NDST4: variants seen among roughly 807,000 people sequenced by gnomAD.
NDST4 encodes the protein N-deacetylase and N-sulfotransferase 4, also known as N-heparan sulfate sulfotransferase 4.
In NDST4, 63 loss-of-function variants were observed where a neutral mutation model predicts 100.8. The observed-to-expected ratio is 0.62, with a 90% CI of 0.51 to 0.77. The LOEUF (loss-of-function observed/expected upper bound fraction) is 0.77, where lower values mean the gene tolerates loss of function less well. Ranked by LOEUF, NDST4 falls within the 30% of genes least tolerant of loss-of-function variation. NDST4 has a pLI of 0.00. For missense variants in NDST4, 943 were observed against 1,018.4 expected (o/e 0.93, Z 1.01); for synonymous variants, 377 against 361.8 (o/e 1.04, Z -0.48).
intron 6 of NDST4, among the ~76,000 whole-genome samples, chr4:114,875,432 A>C (rs567151648): frequency 8.5e-5 from 13 of 152,320 alleles, no homozygotes; most frequent in African/African-American, 2.9e-4. Flanking sequence ...ATATGGGAAG[A>C]CATTATCTAT....
intron 6 of NDST4, among the ~76,000 whole-genome samples, chr4:114,922,255 G>A (rs938102030): frequency 6.6e-6 from 1 of 152,168 alleles, no homozygotes; most frequent in African/African-American, 2.4e-5. Flanking sequence ...ACAGTAAGAG[G>A]CAAGATGGCA....
intron 2 of NDST4, among the ~76,000 whole-genome samples, chr4:115,013,752 C>T (rs1372169370): frequency 6.6e-6 from 1 of 151,808 alleles, no homozygotes; most frequent in Non-Finnish European, 1.5e-5. Context: ...GATAGAATCC[C>T]TATATTGGTT....
intron 4 of NDST4, among the ~76,000 whole-genome samples, chr4:114,954,234 CA>C (rs2126233355): frequency 6.6e-6 from 1 of 151,922 alleles, no homozygotes; most frequent in African/African-American, 2.4e-5. Flanking sequence ...AATACTGTTT[CA>C]AAAAATTCCA....
intron 2 of NDST4, among the ~76,000 whole-genome samples, chr4:114,988,319 TTGAG>T (rs1472693083): frequency 6.6e-6 from 1 of 151,132 alleles, no homozygotes; most frequent in Admixed American, 6.6e-5. Flanking sequence ...TGATACGTGG[TTGAG>T]TATTTTGTAA....
intron 1 of NDST4, among the ~76,000 whole-genome samples, chr4:115,095,674 C>T (rs955422502): frequency 2.0e-5 from 3 of 152,068 alleles, no homozygotes; most frequent in Admixed American, 6.6e-5. Flanking sequence ...TTTTAGAAAA[C>T]TCTCATGCTT....
At chr4:114,902,672 C>T (rs943487034) in intron 6 of NDST4, among the ~76,000 whole-genome samples, 4 of 151,894 alleles carry the variant, frequency 2.6e-5, no homozygotes, top group African/African-American at 7.2e-5. Flanking sequence ...TCGTTTCTCT[C>T]TTTCTCTCTT....
chr4:115,107,987 C>A (rs1048184964), intron 1 of NDST4, among the ~76,000 whole-genome samples: 2 of 151,902 alleles, frequency 1.3e-5, no homozygotes, highest in African/African-American at 4.8e-5. Context: ...TATCAGGAAC[C>A]ATAATACTTT....
Position 115,108,917 on chromosome 4 carries a change from G to A in NDST4, c.-247+4527C>T, listed in dbSNP as rs1364847450. Reference sequence around the variant, plus strand: ...TCCAATTACACAAGAGAGCATGTAAGCTGAAGTGGCAAAAATGAATGGAAA... The same window carrying A: ...TCCAATTACACAAGAGAGCATGTAAACTGAAGTGGCAAAAATGAATGGAAA... On this transcript the variant is annotated intron_variant, in intron 1 of 13. Transcript: ENST00000264363. 2.0e-5 allele frequency among the ~76,000 whole-genome samples: 3 copies of A among 151,394 alleles called. No individual in the cohort carries two copies. In the East Asian group the frequency reaches 5.8e-4, roughly 29 times the overall value.
chr4:115,022,411 A>G (rs1177118281), intron 2 of NDST4, among the ~76,000 whole-genome samples: 1 of 107,990 alleles, frequency 9.3e-6, no homozygotes, highest in South Asian at 2.9e-4. Flanking sequence ...TTCCATATAT[A>G]TGTGTTCCAT....
chr4:115,026,831 T>C (rs1233735158), intron 2 of NDST4, among the ~76,000 whole-genome samples: 1 of 152,024 alleles, frequency 6.6e-6, no homozygotes, highest in Non-Finnish European at 1.5e-5. Flanking sequence ...TTAGGTAGGA[T>C]TTGTCTGATT....
intron 6 of NDST4, among the ~76,000 whole-genome samples, chr4:114,908,270 T>C (rs1182404907): frequency 3.9e-5 from 6 of 152,178 alleles, no homozygotes; most frequent in Admixed American, 3.9e-4. Flanking sequence ...AAGTACTTTC[T>C]AGTACTTTAA....
At chr4:114,860,752 C>CA (rs1331852439) in intron 7 of NDST4, among the ~76,000 whole-genome samples, 42 of 152,320 alleles carry the variant, frequency 2.8e-4, no homozygotes, top group African/African-American at 9.9e-4. Flanking sequence ...GGCATAATTA[C>CA]AGCAACATCA....
rs550537618 is a variant in NDST4, at chr4:115,078,464, G to A, written c.-246-1182C>T. 3.2e-4 allele frequency among the ~76,000 whole-genome samples: 49 copies of A among 152,278 alleles called. No individual in the cohort carries two copies. The South Asian group carries it at 1.0e-2, about 31-fold the overall frequency. Reference sequence around the variant, plus strand: ...AATGAGGAACTTATTGGGGACTGGAGAAAAGGTCATTTTTTGTTATGCCTT... The same window carrying A: ...AATGAGGAACTTATTGGGGACTGGAAAAAAGGTCATTTTTTGTTATGCCTT... On this transcript the variant is annotated intron_variant, in intron 1 of 13. Coordinates refer to ENST00000264363, the MANE Select transcript of NDST4 (RefSeq NM_022569.3).
In NDST4 at chr4:114,829,869, CA is replaced by C; in HGVS notation, c.2419del (p.Trp807GlyfsTer58). 1.9e-6 allele frequency: 3 copies of C among 1,610,338 alleles called. No individual in the cohort carries two copies. Among genetic ancestry groups the C allele is most frequent in the African/African-American group, 1.3e-5 (1 of 74,770 alleles). ...CTTTCCTCCTTCCAGTAATTGACAC[CA>C]AAAACCCTTTTGGGGATCAAACCTA... ...ALTFDPQKGFWCQLLEGGKTK... is the reference protein window; with the variant it reads ...ALTFDPQKGFXCQLLEGGKTK... On this transcript the variant is annotated frameshift_variant, in exon 13 of 14. Transcript: ENST00000264363. LOFTEE classifies it high-confidence loss of function.
chr4:114,883,532 A>C (rs1386690262), intron 6 of NDST4, among the ~76,000 whole-genome samples: 6 of 152,160 alleles, frequency 3.9e-5, no homozygotes, highest in Non-Finnish European at 1.5e-5. Context: ...GTCAAAAAAG[A>C]AAGAGCAGAG....
intron 3 of NDST4, among the ~76,000 whole-genome samples, 196 bp from the exon 4 acceptor site, chr4:114,970,780 A>G (rs564967591): frequency 6.6e-6 from 1 of 152,298 alleles, no homozygotes; most frequent in East Asian, 1.9e-4. Context: ...TGGGGTGAGT[A>G]GGCATGGCTG....
chr4:114,932,717 A>T (rs972882743), intron 6 of NDST4, among the ~76,000 whole-genome samples: 1 of 152,014 alleles, frequency 6.6e-6, no homozygotes, highest in African/African-American at 2.4e-5. Context: ...AAAAGAAATA[A>T]AAAAGATCCC....
chr4:114,985,987 A>G (rs1726891619), intron 2 of NDST4, among the ~76,000 whole-genome samples: 1 of 152,228 alleles, frequency 6.6e-6, no homozygotes, highest in South Asian at 2.1e-4. Flanking sequence ...TTTGTTACAC[A>G]GGATTGGAGG....
intron 2 of NDST4, among the ~76,000 whole-genome samples, chr4:115,045,273 A>C (rs945380438): frequency 2.0e-5 from 3 of 152,168 alleles, no homozygotes. Flanking sequence ...TATAGAATCA[A>C]GCCAATCTTT....
Sources: allele counts gnomAD v4.1 joint callset (sites outside exome capture counted in the v4.1 genomes callset), GRCh38; gene constraint gnomAD v4.1.1; transcripts MANE v1.5; gene names NCBI Gene and HGNC (gene_info 2026-07-23, HGNC 2026-07-21).